CTNNA2: variants seen among roughly 807,000 people sequenced by gnomAD.
CTNNA2 encodes the protein catenin alpha 2.
CTNNA2 carries 42 observed loss-of-function variants against 101.0 expected under a neutral mutation model. The observed-to-expected ratio is 0.42, with a 90% confidence interval of 0.32 to 0.54. The LOEUF (loss-of-function observed/expected upper bound fraction) is 0.54, where lower values mean the gene tolerates loss of function less well. CTNNA2 is among the 20% of genes least tolerant of loss of function. CTNNA2 has a pLI of 0.14. For synonymous variants in CTNNA2, 450 were observed against 456.4 expected, an observed-to-expected ratio of 0.99 and a Z score of 0.18; for missense variants, 871 against 1,223.1, an observed-to-expected ratio of 0.71 and a Z score of 4.29.
intron 4 of CTNNA2, among the ~76,000 whole-genome samples, chr2:79,398,669 G>A (rs1233162019): frequency 1.3e-5 from 2 of 151,548 alleles, no homozygotes; most frequent in Non-Finnish European, 2.9e-5. Context: ...TAAAGAAAAA[G>A]ATAAGAATCA....
intron 7 of CTNNA2, among the ~76,000 whole-genome samples, chr2:80,009,717 G>GGTGT (rs1450399643): frequency 3.0e-5 from 2 of 66,164 alleles, no homozygotes; most frequent in African/African-American, 1.0e-4. Context: ...ATACAAAGCT[G>GGTGT]GTGTGTGTCT....
chr2:80,314,073 T>G (rs190905072), intron 7 of CTNNA2, among the ~76,000 whole-genome samples: 5 of 152,250 alleles, frequency 3.3e-5, no homozygotes, highest in African/African-American at 7.2e-5. Flanking sequence ...GAACAGACAT[T>G]AGAGCTGCAC....
chr2:80,635,820 A>G (rs981499871), intron 18 of CTNNA2, among the ~76,000 whole-genome samples: 1 of 152,100 alleles, frequency 6.6e-6, no homozygotes, highest in Admixed American at 6.6e-5. Context: ...GATCAGTAGG[A>G]AAAAAGGACC....
chr2:79,516,948 C>T (rs1170603887), intron 1 of CTNNA2, among the ~76,000 whole-genome samples: 1 of 151,948 alleles, frequency 6.6e-6, no homozygotes, highest in Non-Finnish European at 1.5e-5. Context: ...ATTGTATTTC[C>T]AGGGGCTTAT....
At chr2:79,586,053 G>C (rs766454542) in intron 1 of CTNNA2, among the ~76,000 whole-genome samples, 2 of 152,104 alleles carry the variant, frequency 1.3e-5, no homozygotes, top group Non-Finnish European at 2.9e-5. Context: ...CAAAAGTGTC[G>C]ATGTTAGTCT....
At chr2:79,571,640 A>G (rs1675466315) in intron 1 of CTNNA2, among the ~76,000 whole-genome samples, 1 of 152,090 alleles carries the variant, frequency 6.6e-6, no homozygotes, top group African/African-American at 2.4e-5. Flanking sequence ...CACTTTGGTC[A>G]TATTCCTACC....
chr2:80,475,884 G>GA (rs990580097), intron 9 of CTNNA2, among the ~76,000 whole-genome samples: 5 of 151,734 alleles, frequency 3.3e-5, no homozygotes, highest in Middle Eastern at 3.2e-3. Flanking sequence ...TATTCTAAAA[G>GA]AAAAAAATAA....
intron 1 of CTNNA2, among the ~76,000 whole-genome samples, chr2:79,537,733 G>T (rs1673158435): frequency 6.6e-6 from 1 of 150,916 alleles, no homozygotes; most frequent in Non-Finnish European, 1.5e-5. Flanking sequence ...TACTTACCAT[G>T]TCAGTTATAT....
intron 7 of CTNNA2, chr2:80,030,358 T>C (rs1695210820): frequency 6.6e-6 from 1 of 152,204 alleles, no homozygotes; most frequent in African/African-American, 2.4e-5. Context: ...ATAATGTCTG[T>C]ATGCAGTCTT....
At chr2:79,843,738 C>G (rs1679993895) in intron 3 of CTNNA2, among the ~76,000 whole-genome samples, 1 of 152,164 alleles carries the variant, frequency 6.6e-6, no homozygotes, top group Non-Finnish European at 1.5e-5. Flanking sequence ...TGAAAACGAA[C>G]TTTCCCTTCA....
At position 79,446,635 on chromosome 2, in the gene CTNNA2, C is replaced by T. The variant is rs76233791; in HGVS notation, c.-134-58419C>T. Among the ~76,000 whole-genome samples, 1,116 of 152,062 alleles carry T rather than the reference C, an allele frequency of 7.3e-3. 11 individuals are homozygous for T. The highest frequency in any genetic ancestry group is 0.025 in the African/African-American group (1,044 of 41,476). On this transcript the variant is annotated intron_variant, in intron 4 of 21. Coordinates refer to the CTNNA2 transcript ENST00000466387. Reference sequence around the variant, plus strand: ...GAGAAAGGGTTCAGTGTGTCTCCAACGCTTATGTAATATAATGTGCAATCA... The same window carrying T: ...GAGAAAGGGTTCAGTGTGTCTCCAATGCTTATGTAATATAATGTGCAATCA...
intron 7 of CTNNA2, among the ~76,000 whole-genome samples, chr2:80,043,115 CTTTCTCCTTCCT>C (rs1239976670): frequency 3.1e-5 from 3 of 95,270 alleles, no homozygotes; most frequent in South Asian, 3.6e-4. Flanking sequence ...CTCTCTCTTT[CTTTCTCCTTCCT>C]TCCTTCCTTC....
chr2:79,824,219 G>A (rs144062256), intron 3 of CTNNA2, among the ~76,000 whole-genome samples: 184 of 152,172 alleles, frequency 1.2e-3, no homozygotes, highest in African/African-American at 4.0e-3. Flanking sequence ...TTTTCACAAC[G>A]TGCTGCTGCC....
chr2:80,041,368 G>A (rs952410053), intron 7 of CTNNA2, among the ~76,000 whole-genome samples: 4 of 151,786 alleles, frequency 2.6e-5, no homozygotes, highest in South Asian at 4.2e-4. Flanking sequence ...TTCTTAACGT[G>A]TTTAAGAAAT....
At chr2:80,300,429 G>A (rs911126199) in intron 7 of CTNNA2, among the ~76,000 whole-genome samples, 28 of 151,538 alleles carry the variant, frequency 1.8e-4, no homozygotes, top group African/African-American at 6.8e-4. Flanking sequence ...AGGCATACTG[G>A]TTTCTCCATA....
chr2:79,741,791 T>C (rs995376140), intron 2 of CTNNA2, among the ~76,000 whole-genome samples: 2 of 152,204 alleles, frequency 1.3e-5, no homozygotes, highest in African/African-American at 4.8e-5. Flanking sequence ...CTATAAGATG[T>C]AATTTAATGT....
chr2:79,803,276 G>T (rs7606207), intron 3 of CTNNA2, among the ~76,000 whole-genome samples: 1 of 152,196 alleles, frequency 6.6e-6, no homozygotes, highest in Admixed American at 6.5e-5. Context: ...CGGCGCTAGA[G>T]GAATTAAGAT....
intron 2 of CTNNA2, among the ~76,000 whole-genome samples, chr2:79,225,342 G>T (rs1674394658): frequency 6.6e-6 from 1 of 152,080 alleles, no homozygotes; most frequent in African/African-American, 2.4e-5. Context: ...GTATACAGTA[G>T]TATCTGGGAT....
chr2:80,240,272 T>C (rs1370236307), intron 7 of CTNNA2, among the ~76,000 whole-genome samples: 2 of 152,224 alleles, frequency 1.3e-5, no homozygotes, highest in African/African-American at 4.8e-5. Context: ...ACATAAGTCA[T>C]CACTTGGCCT....
Sources: gnomAD v4.1 joint callset for allele counts (sites outside exome capture counted in the v4.1 genomes callset) on GRCh38, gnomAD v4.1.1 for gene constraint, MANE v1.5 for transcripts, NCBI Gene and HGNC (gene_info 2026-07-23, HGNC 2026-07-21) for gene names.